The following OLFML2B variants were observed in gnomAD, a reference collection of about 807,000 sequenced individuals.
OLFML2B encodes olfactomedin like 2B, also known as olfactomedin-like protein 2B.
In OLFML2B, 57 loss-of-function variants were observed where a neutral mutation model predicts 74.9. The observed-to-expected ratio is 0.76, with a 90% CI of 0.61 to 0.95. The LOEUF (loss-of-function observed/expected upper bound fraction) is 0.95. OLFML2B is among the 40% of genes least tolerant of loss of function. The pLI is 0.00. For synonymous variants in OLFML2B, 388 were observed against 405.8 expected (o/e 0.96, Z 0.53); for missense variants, 986 against 970.6 (o/e 1.02, Z -0.21).
intron 4 of OLFML2B, among the ~76,000 whole-genome samples, chr1:162,005,749 A>G (rs1000383262): frequency 6.6e-6 from 1 of 152,174 alleles, no homozygotes; most frequent in South Asian, 2.1e-4. Flanking sequence ...AAAAATAAAA[A>G]AATTTTATTA....
intron 1 of OLFML2B, among the ~76,000 whole-genome samples, chr1:162,022,409 C>G (rs912445387): frequency 1.3e-5 from 2 of 152,012 alleles, no homozygotes; most frequent in South Asian, 4.2e-4. Context: ...TGCCACCACG[C>G]CTGGCTAATT....
At chr1:162,021,836 G>GTA (rs55847306) in intron 1 of OLFML2B, among the ~76,000 whole-genome samples, 12,176 of 152,138 alleles carry the variant, frequency 0.08, 582 homozygotes, top group East Asian at 0.17. Flanking sequence ...TTTCAGGAAA[G>GTA]TTTTTGTTGA....
At position 162,020,166 on chromosome 1, in the gene OLFML2B, T is replaced by C; in HGVS notation, c.191A>G (p.Asp64Gly). The C allele has an allele frequency of 1.2e-6, 2 of 1,614,076 alleles. No individual in the cohort carries two copies. The highest frequency in any genetic ancestry group is 1.7e-5 in the Admixed American group (1 of 60,030). Reference sequence around the variant, plus strand: ...GCCCTCAGACATAGCCTTGACCTTGTCATAGTCCCCCAGCAACTAGACACA... The same window carrying C: ...GCCCTCAGACATAGCCTTGACCTTGCCATAGTCCCCCAGCAACTAGACACA... ...NVLSQLLGDY[D>G]KVKAMSEGSD... is the part of the protein sequence containing the mutation. The change falls in exon 2 of 8, where the codon GAC becomes GGC. Residue 64 changes from aspartate (D) to glycine (G), a missense_variant. By Grantham distance (94) the Asp-to-Gly change is moderately conservative. Transcript: ENST00000294794.
In OLFML2B at chr1:162,023,607, C is replaced by G; in HGVS notation, c.-177G>C. On this transcript the variant is annotated 5_prime_UTR_variant, in exon 1 of 8. The change abolishes an upstream ATG in the 5' untranslated region. Coordinates refer to ENST00000294794, the MANE Select transcript of OLFML2B (RefSeq NM_015441.3). Reference sequence around the variant, plus strand: ...GAGGGTGCGCCCCAGAGACTCTGGGCATCTCCTTCCCGACGCGAGCAGCCC... The same window carrying G: ...GAGGGTGCGCCCCAGAGACTCTGGGGATCTCCTTCCCGACGCGAGCAGCCC... The G allele has an allele frequency of 2.0e-6, 1 of 499,128 alleles. No homozygotes were observed. The allele number at this position is 499,128 out of a possible 1,614,324, so 30.9% of individuals were successfully genotyped here. A position where few individuals can be genotyped will look rare whatever the true frequency, so the allele number is the denominator to read the frequency against.
At chr1:162,017,954 GA>G (rs1319086375) in intron 2 of OLFML2B, among the ~76,000 whole-genome samples, 1 of 152,060 alleles carries the variant, frequency 6.6e-6, no homozygotes, top group Admixed American at 6.6e-5. Flanking sequence ...ATGCAGCCAT[GA>G]AAAAAATGAG....
intron 3 of OLFML2B, among the ~76,000 whole-genome samples, chr1:162,015,204 G>A (rs1690497303): frequency 1.3e-5 from 2 of 152,184 alleles, no homozygotes; most frequent in Non-Finnish European, 2.9e-5. Context: ...TCTCATTGAT[G>A]TAACTAAAAC....
chr1:162,015,113 T>C (rs781485038), intron 3 of OLFML2B, among the ~76,000 whole-genome samples: 45 of 152,184 alleles, frequency 3.0e-4, no homozygotes, highest in Non-Finnish European at 5.6e-4. Flanking sequence ...AAACGTAATA[T>C]GCTATACAAA....
chr1:162,011,264 G>A (rs561372281), intron 3 of OLFML2B, among the ~76,000 whole-genome samples: 11 of 152,294 alleles, frequency 7.2e-5, no homozygotes, highest in Admixed American at 2.6e-4. Flanking sequence ...AGCTGGATGC[G>A]CACAGGGCTA....
At chr1:161,990,524 C>T (rs1689706647) in intron 6 of OLFML2B, among the ~76,000 whole-genome samples, 2 of 151,994 alleles carry the variant, frequency 1.3e-5, no homozygotes, top group African/African-American at 4.8e-5. Context: ...AAAATGTATA[C>T]ACCTTAATTT....
chr1:162,011,350 C>T (rs759551702), intron 3 of OLFML2B, among the ~76,000 whole-genome samples: 5 of 152,166 alleles, frequency 3.3e-5, no homozygotes, highest in Non-Finnish European at 7.4e-5. Flanking sequence ...GTGAGGGTAA[C>T]TGGACCCAAG....
chr1:162,020,074 C>G lies in OLFML2B; in HGVS notation c.283G>C (p.Gly95Arg). The change falls in exon 2 of 8, where the codon GGG becomes CGG. Residue 95 changes from glycine to arginine, a missense_variant. Transcript: ENST00000294794. ...GRDACQRINA[G>R]ASRKEDFYTV... ...TAGAAGTCTTCCTTCCTGGAGGCCC[C>G]CGCATTGATCCTCTGGCAGGCATCC... is the stretch of plus-strand genomic sequence containing the variant. 1.2e-6 allele frequency: 2 copies of G among 1,614,202 alleles called. No individual in the cohort carries two copies. Among genetic ancestry groups the G allele is most frequent in the Non-Finnish European group, 1.7e-6 (2 of 1,180,032 alleles).
At chr1:162,000,924 G>A (rs1182192566) in intron 4 of OLFML2B, among the ~76,000 whole-genome samples, 2 of 152,084 alleles carry the variant, frequency 1.3e-5, no homozygotes, top group African/African-American at 2.4e-5. Flanking sequence ...ACAGAATAAA[G>A]TCCAAAGTAA....
intron 4 of OLFML2B, among the ~76,000 whole-genome samples, chr1:162,003,983 A>G (rs1474196103): frequency 6.6e-6 from 1 of 152,162 alleles, no homozygotes; most frequent in African/African-American, 2.4e-5. Context: ...AGGGGAAGGG[A>G]CTTTGCTGAG....
rs888486294 is a variant in OLFML2B at position 162,014,866 on chromosome 1, C to T, written c.546+2534G>A. Among the ~76,000 whole-genome samples the T allele has an allele frequency of 2.6e-5, 4 of 152,176 alleles. No homozygotes were observed. In the East Asian group the frequency reaches 5.8e-4, roughly 22 times the overall value. On this transcript the variant is annotated intron_variant, in intron 3 of 7. Transcript: ENST00000294794. ...TCTATGGGATAGAGTCACAGTTCTG[C>T]CTAGAAATTCCCCTGGAAGAGCTAT...
intron 6 of OLFML2B, among the ~76,000 whole-genome samples, chr1:161,988,027 G>C (rs1689638471): frequency 6.6e-6 from 1 of 152,224 alleles, no homozygotes; most frequent in Non-Finnish European, 1.5e-5. Flanking sequence ...GCTTTGGAGA[G>C]AAGGTACTGT....
At chr1:161,994,335 C>T (rs1375216300) in intron 6 of OLFML2B, among the ~76,000 whole-genome samples, 5 of 152,372 alleles carry the variant, frequency 3.3e-5, no homozygotes, top group East Asian at 1.9e-4. Flanking sequence ...GCCCCATGGT[C>T]GGCACAGCTG....
At position 162,019,954 on chromosome 1, in the gene OLFML2B, G is replaced by A; in HGVS notation, c.403C>T (p.Gln135Ter). ...LNPCEGDFRL[Q>*]KLREADSQDL... Reference sequence around the variant, plus strand: ...TGGCTGTCTGCCTCCCGCAGCTTCTGGAGCCTGAAGTCTCCCTCGCAGGGA... The same window carrying A: ...TGGCTGTCTGCCTCCCGCAGCTTCTAGAGCCTGAAGTCTCCCTCGCAGGGA... Residue 135 changes from glutamine (Q) to a stop codon, truncating the protein, a stop_gained, in exon 2 of 8, where the codon CAG becomes TAG. Coordinates refer to ENST00000294794, the MANE Select transcript of OLFML2B (RefSeq NM_015441.3). LOFTEE classifies it high-confidence loss of function. The A allele has an allele frequency of 6.2e-7, 1 of 1,614,186 alleles. No homozygotes were observed.
intron 3 of OLFML2B, 75 bp from the exon 4 acceptor site, chr1:162,006,548 G>A (rs533286741): frequency 3.7e-4 from 427 of 1,163,638 alleles, no homozygotes; most frequent in Admixed American, 2.3e-3. Context: ...AGCCATCTTC[G>A]CTCAGAGCAC....
At chr1:161,984,357 C>A (rs1307634411) in intron 7 of OLFML2B, 81 bp from the exon 8 acceptor site, 23 of 1,492,232 alleles carry the variant, frequency 1.5e-5, no homozygotes, top group Non-Finnish European at 2.0e-5. Context: ...GAGTGATGAT[C>A]AACGAGGGGT....
Sources: gnomAD v4.1 joint callset for allele counts (sites outside exome capture counted in the v4.1 genomes callset) on GRCh38, gnomAD v4.1.1 for gene constraint, MANE v1.5 for transcripts, NCBI Gene and HGNC (gene_info 2026-07-23, HGNC 2026-07-21) for gene names.